KCNT2: variants seen among roughly 807,000 people sequenced by gnomAD.
KCNT2 encodes the protein potassium sodium-activated channel subfamily T member 2, also known as potassium channel subfamily T member 2.
In KCNT2, 67 loss-of-function variants were observed where a neutral mutation model predicts 153.8. That is an observed-to-expected ratio of 0.44 (90% confidence interval 0.36 to 0.53). The LOEUF (loss-of-function observed/expected upper bound fraction) is 0.53, where lower values mean the gene tolerates loss of function less well. KCNT2 is among the 20% of genes least tolerant of loss of function. The pLI is 0.00. For missense variants in KCNT2, 975 were observed against 1,354.8 expected, an observed-to-expected ratio of 0.72 and a Z score of 4.40; for synonymous variants, 500 against 458.8, an observed-to-expected ratio of 1.09 and a Z score of -1.15.
intron 4 of KCNT2, among the ~76,000 whole-genome samples, chr1:196,480,530 C>A (rs1678914464): frequency 2.0e-5 from 3 of 152,072 alleles, no homozygotes; most frequent in African/African-American, 7.2e-5. Context: ...ATCTCTAGAG[C>A]ATTTTTAACA....
At chr1:196,240,823 G>A (rs1474386516) in intron 26 of KCNT2, among the ~76,000 whole-genome samples, 3 of 152,164 alleles carry the variant, frequency 2.0e-5, no homozygotes, top group African/African-American at 4.8e-5. Flanking sequence ...TCGAGGGGAA[G>A]GCTGGTGGTA....
intron 9 of KCNT2, among the ~76,000 whole-genome samples, chr1:196,429,008 C>CTTTTT (rs143860054): frequency 1.4e-5 from 2 of 138,836 alleles, no homozygotes. Context: ...CATGTTCAGA[C>CTTTTT]TTTTTTTTTT....
At chr1:196,282,630 T>TA (rs568829622) in intron 23 of KCNT2, among the ~76,000 whole-genome samples, 89 of 152,276 alleles carry the variant, frequency 5.8e-4, no homozygotes, top group Admixed American at 2.6e-3. Flanking sequence ...TTAGGCATGA[T>TA]AAAAAATTTT....
chr1:196,342,134 A>C lies in KCNT2; in HGVS notation c.1498T>G (p.Phe500Val). Reference sequence around the variant, plus strand: ...AAACTCTTTCCTTCATATTCAGCAAAAAATGTACTTTCTTCCAAAACAATG... The same window carrying C: ...AAACTCTTTCCTTCATATTCAGCAACAAATGTACTTTCTTCCAAAACAATG... The part of the protein sequence containing the change: ...YHIVLEESTF[F>V]AEYEGKSFTY... The change falls in exon 15 of 28, where the codon TTT (phenylalanine) becomes GTT (valine). Residue 500 changes from phenylalanine (F) to valine (V), a missense_variant. Transcript: ENST00000294725. 1 of 1,611,244 alleles carries C rather than the reference A, an allele frequency of 6.2e-7. No individual in the cohort carries two copies. Among genetic ancestry groups the C allele is most frequent in the Non-Finnish European group, 8.5e-7 (1 of 1,178,726 alleles).
At chr1:196,302,571 C>A (rs1661284391) in intron 22 of KCNT2, among the ~76,000 whole-genome samples, 1 of 152,122 alleles carries the variant, frequency 6.6e-6, no homozygotes, top group African/African-American at 2.4e-5. Context: ...TTTCCCTTCA[C>A]ATTGCCTTCC....
At chr1:196,325,745 A>G (rs1663784134) in intron 19 of KCNT2, among the ~76,000 whole-genome samples, 1 of 152,142 alleles carries the variant, frequency 6.6e-6, no homozygotes, top group Non-Finnish European at 1.5e-5. Flanking sequence ...AATTCTTCAA[A>G]TGAAAATTCT....
chr1:196,335,578 A>T (rs1266548470), intron 16 of KCNT2, among the ~76,000 whole-genome samples: 2 of 152,176 alleles, frequency 1.3e-5, no homozygotes, highest in African/African-American at 4.8e-5. Flanking sequence ...TATGCTATCC[A>T]TCATTGACTG....
intron 25 of KCNT2, among the ~76,000 whole-genome samples, chr1:196,260,115 T>C (rs1656871557): frequency 1.3e-5 from 2 of 151,888 alleles, no homozygotes. Flanking sequence ...AGTTTAATCA[T>C]AATCTTAAAT....
At chr1:196,364,507 C>T (rs1667882551) in intron 14 of KCNT2, among the ~76,000 whole-genome samples, 1 of 152,054 alleles carries the variant, frequency 6.6e-6, no homozygotes, top group South Asian at 2.1e-4. Context: ...ACTGTGGCTG[C>T]AGATTTTGCA....
intron 13 of KCNT2, among the ~76,000 whole-genome samples, chr1:196,395,292 A>C (rs1000909664): frequency 6.6e-6 from 1 of 151,630 alleles, no homozygotes; most frequent in Non-Finnish European, 1.5e-5. Context: ...TTGGGAAGAT[A>C]TATTTTCTAT....
chr1:196,343,304 T>G (rs1008747423), intron 14 of KCNT2, among the ~76,000 whole-genome samples: 2 of 152,202 alleles, frequency 1.3e-5, no homozygotes, highest in Non-Finnish European at 2.9e-5. Context: ...TTTAGAAATA[T>G]ATTAAAAATT....
chr1:196,305,404 C>G, intron 21 of KCNT2, 59 bp from the exon 22 acceptor site: 1 of 935,076 alleles, frequency 1.1e-6, no homozygotes, highest in Non-Finnish European at 1.7e-6. Context: ...TTTTTTATAA[C>G]AACATATTTA....
intron 1 of KCNT2, among the ~76,000 whole-genome samples, chr1:196,508,844 GC>G (rs1681368401): frequency 6.6e-6 from 1 of 152,136 alleles, no homozygotes; most frequent in South Asian, 2.1e-4. Flanking sequence ...GTCAGCTGCT[GC>G]AATCATTTTT....
Position 196,268,307 on chromosome 1 carries a change from A to G in KCNT2, c.2911-9813T>C, listed in dbSNP as rs770695179. 3.9e-4 allele frequency among the ~76,000 whole-genome samples: 60 copies of G among 152,306 alleles called. 1 individual carries two copies. Among genetic ancestry groups the G allele is most frequent in the Non-Finnish European group, 8.1e-4 (55 of 68,008 alleles). On this transcript the variant is annotated intron_variant, in intron 25 of 27. Coordinates refer to ENST00000294725, the MANE Select transcript of KCNT2 (RefSeq NM_198503.5). ...CACACATGTCTTTACACATACATAT[A>G]CACCTACACATTTAAGACCATAATA...
At chr1:196,542,108 T>G (rs1656459793) in intron 1 of KCNT2, among the ~76,000 whole-genome samples, 1 of 152,106 alleles carries the variant, frequency 6.6e-6, no homozygotes, top group African/African-American at 2.4e-5. Context: ...GGAAGAGTTA[T>G]ATAACAATAT....
intron 7 of KCNT2, among the ~76,000 whole-genome samples, chr1:196,465,966 G>A (rs188489153): frequency 2.0e-5 from 3 of 152,024 alleles, no homozygotes; most frequent in Non-Finnish European, 4.4e-5. Flanking sequence ...CATTTAACCA[G>A]AACTGTTATG....
chr1:196,548,021 A>G (rs989068797), intron 1 of KCNT2, among the ~76,000 whole-genome samples: 3 of 151,906 alleles, frequency 2.0e-5, no homozygotes, highest in African/African-American at 7.2e-5. Context: ...AGTAATAGAA[A>G]TTTTAAGAAA....
chr1:196,434,603 T>C (rs1002004987), intron 8 of KCNT2, among the ~76,000 whole-genome samples: 8 of 151,994 alleles, frequency 5.3e-5, no homozygotes, highest in African/African-American at 1.4e-4. Flanking sequence ...ATTATTATAA[T>C]AGCTGCCAAC....
intron 1 of KCNT2, among the ~76,000 whole-genome samples, chr1:196,575,909 C>T (rs1661305542): frequency 6.8e-6 from 1 of 147,764 alleles, no homozygotes; most frequent in African/African-American, 2.5e-5. Context: ...ACCTGGGAGG[C>T]AGAGGTTGCA....
Sources: gnomAD v4.1 joint callset for allele counts (sites outside exome capture counted in the v4.1 genomes callset) on GRCh38, gnomAD v4.1.1 for gene constraint, MANE v1.5 for transcripts, NCBI Gene and HGNC (gene_info 2026-07-23, HGNC 2026-07-21) for gene names.